The following DLGAP2 variants were observed in gnomAD, a reference collection of about 807,000 sequenced individuals.
DLGAP2 encodes the protein disks large-associated protein 2.
DLGAP2 carries 26 observed loss-of-function variants against 100.3 expected under a neutral mutation model. That is an observed-to-expected ratio of 0.26 (90% CI 0.19 to 0.36). The LOEUF is 0.36. Among genes scored for constraint, DLGAP2 ranks in the 10% least tolerant of loss-of-function variants. The probability of loss-of-function intolerance (pLI) is 1.00; values close to 1 mark genes in which losing one functional copy is unlikely to be tolerated. For missense variants in DLGAP2, 1,858 were observed against 1,453.2 expected (o/e 1.28, Z -4.53); for synonymous variants, 886 against 630.1 (o/e 1.41, Z -6.08).
intron 3 of DLGAP2, among the ~76,000 whole-genome samples, chr8:1,420,879 C>A (rs542398610): frequency 6.6e-6 from 1 of 152,186 alleles, no homozygotes; most frequent in Non-Finnish European, 1.5e-5. Flanking sequence ...TTGGTGTCTT[C>A]GTTGCCTGGG....
intron 5 of DLGAP2, among the ~76,000 whole-genome samples, chr8:1,557,651 C>T (rs531432081): frequency 2.3e-4 from 35 of 152,266 alleles, no homozygotes; most frequent in African/African-American, 7.7e-4. Context: ...ACATTCATTC[C>T]GCAGGGTCCT....
chr8:1,533,231 G>A (rs962210227), intron 4 of DLGAP2, among the ~76,000 whole-genome samples: 10 of 152,248 alleles, frequency 6.6e-5, no homozygotes, highest in Admixed American at 5.9e-4. Flanking sequence ...GGGCGCAGTG[G>A]CTCATGCCTG....
At chr8:1,624,231 G>C (rs560589979) in intron 6 of DLGAP2, among the ~76,000 whole-genome samples, 9 of 152,318 alleles carry the variant, frequency 5.9e-5, no homozygotes, top group Non-Finnish European at 1.0e-4. Context: ...GTAATTGGTA[G>C]AAAGTGCCGA....
intron 3 of DLGAP2, among the ~76,000 whole-genome samples, chr8:1,277,545 T>C (rs1430126300): frequency 6.6e-6 from 1 of 152,238 alleles, no homozygotes; most frequent in Non-Finnish European, 1.5e-5. Context: ...ATTCTTGAGC[T>C]GTCTTGGTAT....
intron 2 of DLGAP2, among the ~76,000 whole-genome samples, chr8:1,223,666 T>C (rs757969038): frequency 1.4e-4 from 22 of 152,204 alleles, no homozygotes; most frequent in Non-Finnish European, 2.9e-4. Flanking sequence ...GCAAGATTTC[T>C]GAAAGGGAAG....
At chr8:1,213,950 G>A (rs1034875700) in intron 2 of DLGAP2, among the ~76,000 whole-genome samples, 3 of 152,266 alleles carry the variant, frequency 2.0e-5, no homozygotes, top group Admixed American at 6.5e-5. Flanking sequence ...GGTTGACGGT[G>A]TAATTTCCCC....
chr8:1,127,534 C>G (rs993395544), intron 2 of DLGAP2, among the ~76,000 whole-genome samples: 6 of 152,160 alleles, frequency 3.9e-5, no homozygotes, highest in African/African-American at 1.4e-4. Context: ...CAGTGGCATT[C>G]AGACCACTTG....
chr8:1,513,290 A>C (rs779593680), intron 4 of DLGAP2, among the ~76,000 whole-genome samples: 94 of 120,358 alleles, frequency 7.8e-4, no homozygotes, highest in East Asian at 9.8e-4. Flanking sequence ...CGGTGGGATA[A>C]GCGTCTGCCT....
chr8:1,367,081 C>T (rs1488124838), intron 3 of DLGAP2, among the ~76,000 whole-genome samples: 1 of 152,212 alleles, frequency 6.6e-6, no homozygotes, highest in Non-Finnish European at 1.5e-5. Context: ...TTAACATTTA[C>T]GTAGCAACCT....
At chr8:1,364,600 G>A (rs190215119) in intron 3 of DLGAP2, among the ~76,000 whole-genome samples, 21 of 152,310 alleles carry the variant, frequency 1.4e-4, no homozygotes, top group South Asian at 4.1e-4. Context: ...AGCAGGGGCC[G>A]GCGTGCCGCC....
In DLGAP2 at chr8:1,697,319, G is replaced by A. The variant is rs1343327812; in HGVS notation, c.2949+20G>A. On this transcript the variant is annotated intron_variant, in intron 14 of 14. Transcript: ENST00000637795. ...AGAAAGGTAAGGGCATCCATGCAGG[G>A]CCGGCTCCCAGCAAACCCCCTTTCT... 7 of 1,573,484 alleles carry A rather than the reference G, an allele frequency of 4.4e-6. No homozygotes were observed. Among genetic ancestry groups the A allele is most frequent in the Middle Eastern group, 1.7e-4 (1 of 5,848 alleles).
intron 2 of DLGAP2, among the ~76,000 whole-genome samples, chr8:1,142,734 A>T: frequency 6.6e-6 from 1 of 151,914 alleles, no homozygotes; most frequent in Non-Finnish European, 1.5e-5. Flanking sequence ...GCATTATTGG[A>T]GTCAGGACAG....
intron 2 of DLGAP2, among the ~76,000 whole-genome samples, chr8:1,227,183 A>ATATATATATATATATATATC (rs1563265070): frequency 7.5e-6 from 1 of 132,542 alleles, no homozygotes; most frequent in African/African-American, 3.3e-5. Context: ...TAGTATAGAT[A>ATATATATATATATATATATC]TATATTATCC....
At chr8:1,208,180 A>G (rs904153302) in intron 2 of DLGAP2, among the ~76,000 whole-genome samples, 1 of 152,208 alleles carries the variant, frequency 6.6e-6, no homozygotes, top group African/African-American at 2.4e-5. Context: ...ATCTTCTAGA[A>G]TATTTAGGGT....
chr8:1,479,124 C>T (rs1177416122), intron 3 of DLGAP2, among the ~76,000 whole-genome samples: 6 of 152,254 alleles, frequency 3.9e-5, no homozygotes, highest in Admixed American at 1.3e-4. Flanking sequence ...AGGGGGGCAA[C>T]GCTGGGACAG....
At chr8:957,607 T>C (rs1047908321) in intron 2 of DLGAP2, among the ~76,000 whole-genome samples, 1 of 152,208 alleles carries the variant, frequency 6.6e-6, no homozygotes, top group Non-Finnish European at 1.5e-5. Context: ...GGATACGTTG[T>C]TGCAATTTCT....
At chr8:960,074 C>G (rs1052387559) in intron 2 of DLGAP2, among the ~76,000 whole-genome samples, 2 of 151,916 alleles carry the variant, frequency 1.3e-5, no homozygotes, top group East Asian at 1.9e-4. Flanking sequence ...TAGTTAGGCT[C>G]TAAGTTTAAA....
At chr8:1,616,083 C>G (rs1476042992) in intron 6 of DLGAP2, among the ~76,000 whole-genome samples, 3 of 152,054 alleles carry the variant, frequency 2.0e-5, no homozygotes, top group Non-Finnish European at 2.9e-5. Context: ...ATTGAATTTT[C>G]AAGAACAGAA....
At chr8:1,570,505 T>A (rs2906590) in intron 6 of DLGAP2, among the ~76,000 whole-genome samples, 3 of 152,114 alleles carry the variant, frequency 2.0e-5, no homozygotes, top group African/African-American at 7.2e-5. Context: ...AAAATTGATT[T>A]CTGAGTTGAC....
Sources: gnomAD v4.1 joint callset for allele counts (sites outside exome capture counted in the v4.1 genomes callset) on GRCh38, gnomAD v4.1.1 for gene constraint, MANE v1.5 for transcripts, NCBI Gene and HGNC (gene_info 2026-07-23, HGNC 2026-07-21) for gene names.